Variants in VANGL1 observed in about 807,000 individuals in gnomAD.
VANGL1 encodes vang-like protein 1.
In VANGL1, 18 loss-of-function variants were observed where a neutral mutation model predicts 48.4. The observed-to-expected ratio is 0.37, with a 90% confidence interval of 0.26 to 0.55. VANGL1 has a LOEUF of 0.55. Ranked by LOEUF, VANGL1 falls within the 20% of genes least tolerant of loss-of-function variation. The probability of loss-of-function intolerance (pLI) is 0.81; values close to 1 mark genes in which losing one functional copy is unlikely to be tolerated. For synonymous variants in VANGL1, 257 were observed against 261.8 expected (o/e 0.98, Z 0.18); for missense variants, 667 against 675.8 (o/e 0.99, Z 0.14).
intron 1 of VANGL1, among the ~76,000 whole-genome samples, 177 bp downstream of exon 1, chr1:115,642,263 C>G (rs570818976): frequency 1.2e-4 from 18 of 152,036 alleles, no homozygotes; most frequent in African/African-American, 3.6e-4. Context: ...TCCCTCCCCT[C>G]CTCCGGAGCG....
chr1:115,686,571 T>G (rs557763566), intron 7 of VANGL1, among the ~76,000 whole-genome samples: 137 of 152,208 alleles, frequency 9.0e-4, no homozygotes, highest in Non-Finnish European at 1.5e-3. Flanking sequence ...AGAAGTGGGT[T>G]CAAATCCTGG....
intron 4 of VANGL1, among the ~76,000 whole-genome samples, chr1:115,667,480 A>T (rs1427925337): frequency 2.0e-5 from 3 of 152,172 alleles, no homozygotes; most frequent in African/African-American, 7.2e-5. Flanking sequence ...GTTTGGACTC[A>T]TTTACCCCTC....
intron 4 of VANGL1, among the ~76,000 whole-genome samples, chr1:115,672,512 G>C (rs543504885): frequency 6.6e-6 from 1 of 152,154 alleles, no homozygotes; most frequent in Admixed American, 6.5e-5. Context: ...GGGATGGTCA[G>C]TCTCCTGTGT....
At chr1:115,689,511 C>A (rs1375156974) in intron 7 of VANGL1, among the ~76,000 whole-genome samples, 1 of 136,620 alleles carries the variant, frequency 7.3e-6, no homozygotes, top group African/African-American at 2.8e-5. Context: ...GTGGCGCATG[C>A]CTGTAATCCC....
In VANGL1 at chr1:115,692,120, C is replaced by T. The variant is rs748466324; in HGVS notation, c.*741C>T. ...CCCCACCTGGCTGGCAGCCCTGGCT[C>T]TCCATGTGTGCCCTCCGGCTCTGTG... On this transcript the variant is annotated 3_prime_UTR_variant, in exon 8 of 8. Coordinates refer to ENST00000355485, the MANE Select transcript of VANGL1 (RefSeq NM_138959.3). 2.0e-5 allele frequency: 3 copies of T among 153,548 alleles called. No individual in the cohort carries two copies. The highest frequency in any genetic ancestry group is 4.4e-5 in the Non-Finnish European group (3 of 68,894). 9.5% of individuals were successfully genotyped at this position (153,548 alleles called of 1,614,324 possible). A position where few individuals can be genotyped will look rare whatever the true frequency, so the allele number is the denominator to read the frequency against.
chr1:115,660,404 G>C (rs1299692157), intron 3 of VANGL1, among the ~76,000 whole-genome samples: 1 of 152,174 alleles, frequency 6.6e-6, no homozygotes. Context: ...ACCTACTGTT[G>C]CTCAGGAATG....
At chr1:115,664,489 T>C (rs561452277) in intron 4 of VANGL1, among the ~76,000 whole-genome samples, 85 of 152,194 alleles carry the variant, frequency 5.6e-4, no homozygotes, top group African/African-American at 2.0e-3. Context: ...CTCACCCAGG[T>C]TGAGATTTTG....
At chr1:115,674,938 G>C (rs1259773837) in intron 4 of VANGL1, among the ~76,000 whole-genome samples, 1 of 146,034 alleles carries the variant, frequency 6.8e-6, no homozygotes, top group Non-Finnish European at 1.6e-5. Context: ...AAGGGACCAT[G>C]TGTACGTCTG....
Position 115,664,078 on chromosome 1 carries a change from A to C in VANGL1, c.622A>C (p.Ile208Leu), listed in dbSNP as rs759896002. The stretch of plus-strand genomic sequence containing the variant: ...CTATTGGCTTTTTTACGGGGTCCGC[A>C]TTTTGGACTCTCGGGACCGGAATTA... ...VSYWLFYGVR[I>L]LDSRDRNYQG... Residue 208 changes from isoleucine (I) to leucine (L), a missense_variant, in exon 4 of 8, where the codon ATT becomes CTT. Transcript: ENST00000355485. 7.4e-6 allele frequency: 12 copies of C among 1,613,740 alleles called. No homozygotes were observed. The highest frequency in any genetic ancestry group is 1.0e-5 in the Non-Finnish European group (12 of 1,180,012).
Position 115,664,595 on chromosome 1 carries a change from A to G in VANGL1, c.812+327A>G, listed in dbSNP as rs141515948. Among the ~76,000 whole-genome samples, 38 of 152,326 alleles carry G rather than the reference A, an allele frequency of 2.5e-4. No individual in the cohort carries two copies. In the East Asian group the frequency reaches 3.7e-3, roughly 15 times the overall value. ...CCTTCTTTGACTCTGAAATTGGCCA[A>G]TGGACAACAGATAAAGTGACCAGCA... On this transcript the variant is annotated intron_variant, in intron 4 of 7. Transcript: ENST00000355485.
intron 2 of VANGL1, among the ~76,000 whole-genome samples, chr1:115,654,366 T>C (rs1652264385): frequency 6.6e-6 from 1 of 151,938 alleles, no homozygotes; most frequent in South Asian, 2.1e-4. Flanking sequence ...GGTTTTGCGA[T>C]GCCTGCAGTC....
Position 115,642,020 on chromosome 1 carries a change from G to A in VANGL1, c.-204G>A, listed in dbSNP as rs935525222. Reference sequence around the variant, plus strand: ...TCTGCCTCTCCAGGAGCCCAGCGCAGGCCGCAGAGCCGGGGCCGCTGTGAG... The same window carrying A: ...TCTGCCTCTCCAGGAGCCCAGCGCAAGCCGCAGAGCCGGGGCCGCTGTGAG... On this transcript the variant is annotated 5_prime_UTR_variant, in exon 1 of 8. Coordinates refer to ENST00000355485, the MANE Select transcript of VANGL1 (RefSeq NM_138959.3). The A allele has an allele frequency of 2.0e-5, 3 of 151,480 alleles. No individual in the cohort carries two copies. Among genetic ancestry groups the A allele is most frequent in the Non-Finnish European group, 4.4e-5 (3 of 67,704 alleles). The allele number at this position is 151,480 out of a possible 1,614,324, so 9.4% of individuals were successfully genotyped here.
chr1:115,694,567 T>C lies in VANGL1; in HGVS notation c.*3188T>C, dbSNP rs1246263629. ...CATGTATTTACCTAAGGGCTGTAGC[T>C]CTGTGGGATGCTACCAGCATATTGG... On this transcript the variant is annotated 3_prime_UTR_variant, in exon 8 of 8. Coordinates refer to ENST00000355485, the MANE Select transcript of VANGL1 (RefSeq NM_138959.3). 6.6e-6 allele frequency: 1 copy of C among 152,158 alleles called. No individual in the cohort carries two copies. The highest frequency in any genetic ancestry group is 2.4e-5 in the African/African-American group (1 of 41,434). 9.4% of individuals were successfully genotyped at this position (152,158 alleles called of 1,614,324 possible). A position where few individuals can be genotyped will look rare whatever the true frequency, so the allele number is the denominator to read the frequency against.
intron 4 of VANGL1, among the ~76,000 whole-genome samples, chr1:115,667,602 C>T (rs1290200340): frequency 6.6e-6 from 1 of 152,196 alleles, no homozygotes; most frequent in Non-Finnish European, 1.5e-5. Flanking sequence ...GGAATCAGCA[C>T]CTTCCTGTGC....
intron 4 of VANGL1, among the ~76,000 whole-genome samples, chr1:115,667,327 G>T (rs1652829648): frequency 1.3e-5 from 2 of 152,188 alleles, no homozygotes; most frequent in Non-Finnish European, 2.9e-5. Flanking sequence ...GGCCCTGCTT[G>T]TTGGCAGGAA....
intron 2 of VANGL1, among the ~76,000 whole-genome samples, chr1:115,654,784 G>T (rs1652282408): frequency 6.6e-6 from 1 of 152,086 alleles, no homozygotes; most frequent in Non-Finnish European, 1.5e-5. Flanking sequence ...AACTGCTTTG[G>T]GGGTGTCTGC....
At chr1:115,671,569 C>T (rs555048257) in intron 4 of VANGL1, among the ~76,000 whole-genome samples, 71 of 152,278 alleles carry the variant, frequency 4.7e-4, no homozygotes, top group African/African-American at 1.7e-3. Context: ...TCTTAGAGCA[C>T]CCTAAGCAGG....
chr1:115,691,029 T>C, intron 7 of VANGL1, 90 bp from the exon 8 acceptor site: 2 of 1,585,896 alleles, frequency 1.3e-6, no homozygotes, highest in Non-Finnish European at 1.7e-6. Context: ...GAAAAAGTTC[T>C]TTATAGATGT....
In VANGL1 at chr1:115,685,350, G is replaced by C. The variant is rs762912304; in HGVS notation, c.1137G>C (p.Glu379Asp). ...ACATTCAGCGTCTCCAGGCTGAGGA[G>C]CAGCAGAAAGCCCCAGGGGAGGTGA... ...FIHIQRLQAEEQQKAPGEVMD... is the reference protein window; with the variant it reads ...FIHIQRLQAEDQQKAPGEVMD... The change falls in exon 7 of 8, where the codon GAG becomes GAC. Residue 379 changes from glutamate (E) to aspartate (D), a missense_variant. Coordinates refer to ENST00000355485, the MANE Select transcript of VANGL1 (RefSeq NM_138959.3). The C allele has an allele frequency of 4.3e-6, 7 of 1,614,058 alleles. No homozygotes were observed. The Admixed American group carries it at 5.0e-5, about 12-fold the overall frequency.
Sources: gnomAD v4.1 joint callset for allele counts (sites outside exome capture counted in the v4.1 genomes callset) on GRCh38, gnomAD v4.1.1 for gene constraint, MANE v1.5 for transcripts, NCBI Gene and HGNC (gene_info 2026-07-23, HGNC 2026-07-21) for gene names.